The following AXL variants were observed in gnomAD, a reference collection of about 807,000 sequenced individuals.
The protein encoded by AXL is AXL receptor tyrosine kinase, also known as tyrosine-protein kinase receptor UFO.
Under a neutral mutation model 104.5 loss-of-function variants are expected in AXL, and 52 were observed. The observed-to-expected ratio is 0.50, with a 90% CI of 0.40 to 0.63. The LOEUF is 0.63. Among genes scored for constraint, AXL ranks in the 20% least tolerant of loss-of-function variants. The pLI is 0.00. For synonymous variants in AXL, 455 were observed against 473.7 expected, an observed-to-expected ratio of 0.96 and a Z score of 0.51; for missense variants, 1,024 against 1,188.5, an observed-to-expected ratio of 0.86 and a Z score of 2.04.
At position 41,252,339 on chromosome 19, in the gene AXL, C is replaced by T. The variant is rs767479908; in HGVS notation, c.1712-12C>T. 2.5e-6 allele frequency: 4 copies of T among 1,613,112 alleles called. No individual in the cohort carries two copies. The South Asian group carries it at 3.3e-5, about 13-fold the overall frequency. On this transcript the variant is annotated splice_polypyrimidine_tract_variant and intron_variant, in intron 14 of 19. Transcript: ENST00000301178. ...CTCCCCTCCTCCTCACGACCTTTCT[C>T]TCTCCCTCAAGTTGCCATCTGCACG...
chr19:41,230,697 CTGTGCCTGTG>C (rs1032508488), intron 4 of AXL, among the ~76,000 whole-genome samples: 1 of 151,436 alleles, frequency 6.6e-6, no homozygotes, highest in African/African-American at 2.4e-5. Context: ...GTGCCTGTGC[CTGTGCCTGTG>C]TGTGTCTGTG....
chr19:41,228,451 G>A (rs922442585), intron 4 of AXL, among the ~76,000 whole-genome samples: 1 of 152,172 alleles, frequency 6.6e-6, no homozygotes, highest in African/African-American at 2.4e-5. Context: ...CTACTCAGAA[G>A]GCTGAGGCAG....
At position 41,242,762 on chromosome 19, in the gene AXL, TCATCAAGTATGTGCA is replaced by T. The variant is rs2034205412; in HGVS notation, c.1313-116_1313-102del. On this transcript the variant is annotated intron_variant, in intron 10 of 19. Transcript: ENST00000301178. ...TATGTGAATGCATCCATCACACACC[TCATCAAGTATGTGCA>T]CATCTTTGCCGAGGCCTTCTGCCTC... The T allele has an allele frequency of 3.1e-6, 4 of 1,299,026 alleles. No homozygotes were observed. The East Asian group carries it at 9.3e-5, about 30-fold the overall frequency. The allele number at this position is 1,299,026 out of a possible 1,614,324, so 80.5% of individuals were successfully genotyped here.
chr19:41,245,713 CAAAAAAAAAAA>C (rs371879527), intron 12 of AXL, among the ~76,000 whole-genome samples: 1 of 62,932 alleles, frequency 1.6e-5, no homozygotes, highest in African/African-American at 5.7e-5. Flanking sequence ...GACACCGTCT[CAAAAAAAAAAA>C]AAAAAAAAAG....
chr19:41,223,721 G>C (rs1364404843), intron 4 of AXL, among the ~76,000 whole-genome samples: 3 of 152,116 alleles, frequency 2.0e-5, no homozygotes, highest in East Asian at 3.9e-4. Flanking sequence ...CCCATGGCTC[G>C]AGTGGCTGAG....
intron 4 of AXL, among the ~76,000 whole-genome samples, chr19:41,226,452 GCACCTGACCTTGTCTGGGAACGGC>G (rs1222302282): frequency 1.3e-5 from 2 of 152,332 alleles, no homozygotes; most frequent in East Asian, 3.9e-4. Flanking sequence ...GCGGGAGCGG[GCACCTGACCTTGTCTGGGAACGGC>G]CACCTAGGAA....
intron 4 of AXL, among the ~76,000 whole-genome samples, chr19:41,229,689 C>G (rs889434946): frequency 6.6e-6 from 1 of 152,294 alleles, no homozygotes; most frequent in South Asian, 2.1e-4. Flanking sequence ...GCACAGGGAA[C>G]AGTGCACAGT....
At chr19:41,231,859 G>A (rs189630129) in intron 6 of AXL, among the ~76,000 whole-genome samples, 115 of 151,640 alleles carry the variant, frequency 7.6e-4, no homozygotes, top group African/African-American at 2.6e-3. Context: ...CCTGGGAGGC[G>A]GAGGTTGCAG....
rs1260076571 is a variant in AXL at position 41,220,690 on chromosome 19, C to T, written c.140C>T (p.Ala47Val). The change falls in exon 2 of 20, where the codon GCC (alanine) becomes GTC (valine). Residue 47 changes from alanine (A) to valine (V), a missense_variant. By Grantham distance (64) the Ala-to-Val change is moderately conservative (BLOSUM62 0). Transcript: ENST00000301178. ...FVGNPGNITG[A>V]RGLTGTLRCQ... is the part of the protein sequence containing the mutation. ...GGCAACCCAGGGAATATCACAGGTG[C>T]CCGGGGACTCACGGGCACCCTTCGG... The T allele has an allele frequency of 6.2e-7, 1 of 1,611,210 alleles. No homozygotes were observed. Among genetic ancestry groups the T allele is most frequent in the East Asian group, 2.2e-5 (1 of 44,746 alleles).
At chr19:41,248,882 GAGCA>G (rs1378065197) in intron 14 of AXL, 62 bp downstream of exon 14, 1 of 1,490,608 alleles carries the variant, frequency 6.7e-7, no homozygotes, top group African/African-American at 1.4e-5. Flanking sequence ...AGACAGAAGA[GAGCA>G]AGCAAGTTAG....
rs867714529 is a variant in AXL at position 41,235,369 on chromosome 19, A to G, written c.784-2575A>G. 3.7e-3 allele frequency among the ~76,000 whole-genome samples: 299 copies of G among 80,652 alleles called. 3 individuals carry two copies. The highest frequency in any genetic ancestry group is 0.013 in the South Asian group (23 of 1,768). 52.9% of individuals were successfully genotyped at this position (80,652 alleles called of 152,430 possible). ...TCCATCTCAAATAAATAAATAAATA[A>G]ATAGATAGATAGATAGATAGATAGA... On this transcript the variant is annotated intron_variant, in intron 6 of 19. Transcript: ENST00000301178.
intron 6 of AXL, among the ~76,000 whole-genome samples, chr19:41,235,365 AATAAATAG>A (rs1043549499): frequency 5.2e-4 from 46 of 89,228 alleles, no homozygotes; most frequent in East Asian, 5.0e-3. Flanking sequence ...TAAATAAATA[AATAAATAG>A]ATAGATAGAT....
chr19:41,230,270 CTG>C (rs767049275), intron 4 of AXL, among the ~76,000 whole-genome samples: 1 of 131,902 alleles, frequency 7.6e-6, no homozygotes, highest in African/African-American at 2.9e-5. Context: ...GTGTGTGAGT[CTG>C]TGTGAGCATG....
chr19:41,234,622 A>G (rs1286523329), intron 6 of AXL, among the ~76,000 whole-genome samples: 1 of 152,232 alleles, frequency 6.6e-6, no homozygotes, highest in African/African-American at 2.4e-5. Context: ...TATATGCATC[A>G]TGTCATTAAA....
At chr19:41,221,769 A>G in intron 3 of AXL, 111 bp from the exon 4 acceptor site, 2 of 1,205,962 alleles carry the variant, frequency 1.7e-6, no homozygotes, top group African/African-American at 1.5e-5. Context: ...AGGCAAGTCA[A>G]TGACCCTGCA....
intron 1 of AXL, among the ~76,000 whole-genome samples, chr19:41,219,770 G>C (rs1005819917): frequency 6.6e-6 from 1 of 151,698 alleles, no homozygotes; most frequent in Non-Finnish European, 1.5e-5. Flanking sequence ...GACCTGAGAA[G>C]GGGGCCATGG....
chr19:41,220,887 C>T lies in AXL; in HGVS notation c.308+29C>T. 2.5e-6 allele frequency: 4 copies of T among 1,607,254 alleles called. No individual in the cohort carries two copies. In the South Asian group the frequency reaches 3.3e-5, roughly 13 times the overall value. ...TGTGGCCACATCCCCGAATCCCACT[C>T]CCACCTCCGTCACACAGAGGGCAGA... On this transcript the variant is annotated intron_variant, in intron 2 of 19. Transcript: ENST00000301178.
At chr19:41,243,784 CA>C in intron 12 of AXL, 77 bp downstream of exon 12, 1 of 1,286,204 alleles carries the variant, frequency 7.8e-7, no homozygotes, top group Non-Finnish European at 1.1e-6. Flanking sequence ...GGCTTCTGTA[CA>C]TGTGTGAGCC....
At chr19:41,256,192 C>A (rs942354096) in intron 17 of AXL, among the ~76,000 whole-genome samples, 5 of 152,126 alleles carry the variant, frequency 3.3e-5, no homozygotes, top group Non-Finnish European at 7.4e-5. Context: ...AGGAATCAAA[C>A]CCAAGGAAGG....
Sources: gnomAD v4.1 joint callset for allele counts (sites outside exome capture counted in the v4.1 genomes callset) on GRCh38, gnomAD v4.1.1 for gene constraint, MANE v1.5 for transcripts, NCBI Gene and HGNC (gene_info 2026-07-23, HGNC 2026-07-21) for gene names.